MCM7: variants seen among roughly 807,000 people sequenced by gnomAD.
MCM7 encodes DNA replication licensing factor MCM7.
MCM7 carries 95 observed loss-of-function variants against 83.5 expected under a neutral mutation model. The ratio of observed to expected loss-of-function variants is 1.14; its 90% confidence interval spans 0.96 to 1.35. The LOEUF is 1.35. MCM7 is among the 40% of genes most tolerant of loss of function. The pLI, the probability that MCM7 is intolerant of heterozygous loss-of-function variation, is 0.00. For missense variants in MCM7, 1,087 were observed against 957.4 expected (o/e 1.14, Z -1.79); for synonymous variants, 461 against 352.7 (o/e 1.31, Z -3.44).
intron 5 of MCM7, 96 bp downstream of exon 5, chr7:100,098,927 T>TA: frequency 6.5e-7 from 1 of 1,533,470 alleles, no homozygotes; most frequent in Non-Finnish European, 8.9e-7. Flanking sequence ...AGGCAACTTT[T>TA]ACAACCAAAT....
At chr7:100,100,121 A>G in intron 1 of MCM7, 28 bp from the exon 2 acceptor site, 1 of 1,612,164 alleles carries the variant, frequency 6.2e-7, no homozygotes. Context: ...AAACCGTAAG[A>G]CACAAACTTT....
In MCM7 at chr7:100,101,362, C is replaced by G. The variant is rs1308584154; in HGVS notation, c.-68G>C. On this transcript the variant is annotated 5_prime_UTR_variant, in exon 1 of 15. Coordinates refer to ENST00000303887, the MANE Select transcript of MCM7 (RefSeq NM_005916.5). The stretch of plus-strand genomic sequence containing the variant: ...TCTTGCTCCTGGGGAAGCTGAGAAT[C>G]TCCGCGCGGTGGACTGTGGCCGGCC... 4 of 1,604,138 alleles carry G rather than the reference C, an allele frequency of 2.5e-6. No homozygotes were observed. Among genetic ancestry groups the G allele is most frequent in the Admixed American group, 3.3e-5 (2 of 59,712 alleles).
chr7:100,093,503 T>C (rs1584483513), intron 13 of MCM7, 102 bp from the exon 14 acceptor site: 2 of 1,058,850 alleles, frequency 1.9e-6, no homozygotes, highest in South Asian at 1.3e-5. Flanking sequence ...AGCCCATGGG[T>C]CGCCTACTCA....
chr7:100,097,276 C>T (rs770874687), intron 10 of MCM7, 25 bp downstream of exon 10: 21 of 1,606,518 alleles, frequency 1.3e-5, no homozygotes, highest in Non-Finnish European at 1.6e-5. Flanking sequence ...ACTATATTCA[C>T]CTCCCGCAAA....
intron 1 of MCM7, 78 bp downstream of exon 1, chr7:100,101,186 A>G (rs1796002793): frequency 1.9e-6 from 3 of 1,578,850 alleles, no homozygotes; most frequent in Non-Finnish European, 8.7e-7. Context: ...CGGTCCCCCA[A>G]GACCCCAGCT....
intron 3 of MCM7, 65 bp downstream of exon 3, chr7:100,099,524 A>G: frequency 2.5e-6 from 4 of 1,595,736 alleles, no homozygotes; most frequent in Non-Finnish European, 3.4e-6. Flanking sequence ...TCAGTATCTG[A>G]GCAGCCTCTC....
At chr7:100,100,945 C>G in intron 1 of MCM7, 1 of 1,055,682 alleles carries the variant, frequency 9.5e-7, no homozygotes, top group African/African-American at 1.7e-5. Flanking sequence ...AGCCCAGAGC[C>G]CTTAAGACTC....
chr7:100,097,918 G>A lies in MCM7; in HGVS notation c.901C>T (p.His301Tyr), dbSNP rs1209720069. The A allele has an allele frequency of 2.5e-6, 4 of 1,614,138 alleles. No homozygotes were observed. Among genetic ancestry groups the A allele is most frequent in the East Asian group, 2.2e-5 (1 of 44,884 alleles). Residue 301 changes from histidine to tyrosine, a missense_variant, in exon 8 of 15, where the codon CAT (histidine) becomes TAT (tyrosine). Physicochemically the swap from His to Tyr is moderately conservative, Grantham distance 83. Transcript: ENST00000303887. ...GLLSETYLEA[H>Y]RIVKMNKSED... ...CTCTTGTTCATCTTCACAATCCGAT[G>A]GGCTTCCAGGTAGGTTTCTGAGAGT...
intron 11 of MCM7, 128 bp downstream of exon 11, chr7:100,095,646 C>T (rs1795588966): frequency 7.3e-7 from 1 of 1,375,944 alleles, no homozygotes; most frequent in Non-Finnish European, 9.8e-7. Flanking sequence ...AACCATGGAC[C>T]AGCCCCTGCT....
Position 100,092,814 on chromosome 7 carries a change from G to T in MCM7, c.*118C>A. Reference sequence around the variant, plus strand: ...ACAAACACTTTTATTAGCAAAAGGAGTAAGTGCAGCATGGGAGAAAGAGGG... The same window carrying T: ...ACAAACACTTTTATTAGCAAAAGGATTAAGTGCAGCATGGGAGAAAGAGGG... On this transcript the variant is annotated 3_prime_UTR_variant, in exon 15 of 15. Coordinates refer to ENST00000303887, the MANE Select transcript of MCM7 (RefSeq NM_005916.5). The T allele has an allele frequency of 9.8e-7, 1 of 1,025,360 alleles. No individual in the cohort carries two copies. The highest frequency in any genetic ancestry group is 1.5e-6 in the Non-Finnish European group (1 of 680,754). The allele number at this position is 1,025,360 out of a possible 1,614,324, so 63.5% of individuals were successfully genotyped here. A position where few individuals can be genotyped will look rare whatever the true frequency, so the allele number is the denominator to read the frequency against.
At position 100,094,491 on chromosome 7, in the gene MCM7, T is replaced by C. The variant is rs185672319; in HGVS notation, c.1680-150A>G. On this transcript the variant is annotated intron_variant, in intron 12 of 14. Transcript: ENST00000303887. Reference sequence around the variant, plus strand: ...AAAACACAAATTAGTGGGTGATTATTTGCTTGGCTTGAATATCACTGATGG... The same window carrying C: ...AAAACACAAATTAGTGGGTGATTATCTGCTTGGCTTGAATATCACTGATGG... 380 of 821,852 alleles carry C rather than the reference T, an allele frequency of 4.6e-4. No individual in the cohort carries two copies. In the African/African-American group the frequency reaches 5.8e-3, roughly 12 times the overall value. 50.9% of individuals were successfully genotyped at this position (821,852 alleles called of 1,614,324 possible). A position where few individuals can be genotyped will look rare whatever the true frequency, so the allele number is the denominator to read the frequency against.
At chr7:100,100,955 C>T in intron 1 of MCM7, 4 of 1,049,494 alleles carry the variant, frequency 3.8e-6, no homozygotes, top group Non-Finnish European at 5.1e-6. Context: ...CCTTAAGACT[C>T]TCCTGAGGTC....
rs749970023 is a variant in MCM7 at position 100,093,274 on chromosome 7, C to T, written c.1958+18G>A. The T allele has an allele frequency of 1.9e-6, 3 of 1,608,840 alleles. No individual in the cohort carries two copies. The highest frequency in any genetic ancestry group is 2.2e-5 in the East Asian group (1 of 44,850). ...GAAGACAAAGTGACACAGCTTTGTC[C>T]TTCACTAAACCACTCACCTAGCTGT... On this transcript the variant is annotated intron_variant, in intron 14 of 14. Transcript: ENST00000303887.
At chr7:100,099,473 C>T in intron 3 of MCM7, 70 bp from the exon 4 acceptor site, 2 of 1,584,486 alleles carry the variant, frequency 1.3e-6, no homozygotes, top group Non-Finnish European at 1.7e-6. Flanking sequence ...ACAGAGAACA[C>T]CAGGCAGAAG....
rs1562899896 is a variant in MCM7, at chr7:100,100,049, G to C, written c.76C>G (p.Leu26Val). ...CCATACTTGAACTGCTTCTTCCCGA[G>C]TTCATCATCCTGGTAGAACTCTTGT... Reference protein sequence around the residue: ...FLQEFYQDDELGKKQFKYGNQ... With the variant: ...FLQEFYQDDEVGKKQFKYGNQ... The change falls in exon 2 of 15, where the codon CTC becomes GTC. Residue 26 changes from leucine (L) to valine (V), a missense_variant. Transcript: ENST00000303887. 3 of 1,614,076 alleles carry C rather than the reference G, an allele frequency of 1.9e-6. No homozygotes were observed. The highest frequency in any genetic ancestry group is 1.1e-5 in the South Asian group (1 of 91,084).
At chr7:100,095,142 C>G (rs984163911) in intron 12 of MCM7, among the ~76,000 whole-genome samples, 2 of 152,164 alleles carry the variant, frequency 1.3e-5, no homozygotes, top group Non-Finnish European at 2.9e-5. Flanking sequence ...TCACTACACT[C>G]CAGCCTGGGT....
At chr7:100,099,795 A>C (rs1271747632) in intron 2 of MCM7, 42 bp from the exon 3 acceptor site, 40 of 1,608,028 alleles carry the variant, frequency 2.5e-5, no homozygotes, top group Non-Finnish European at 3.4e-5. Flanking sequence ...AGCCACATTC[A>C]CTTTGCTCAC....
chr7:100,099,255 T>C, intron 4 of MCM7, 24 bp downstream of exon 4: 2 of 1,614,062 alleles, frequency 1.2e-6, no homozygotes, highest in Non-Finnish European at 1.7e-6. Flanking sequence ...AATCCCTACA[T>C]CTTTCCCGAC....
At position 100,099,487 on chromosome 7, in the gene MCM7, C is replaced by T. The variant is rs1395997461; in HGVS notation, c.277-84G>A. 4 of 1,582,768 alleles carry T rather than the reference C, an allele frequency of 2.5e-6. No individual in the cohort carries two copies. In the East Asian group the frequency reaches 6.7e-5, roughly 27 times the overall value. On this transcript the variant is annotated intron_variant, in intron 3 of 14. Transcript: ENST00000303887. Reference sequence around the variant, plus strand: ...CACAGAGAACACCAGGCAGAAGTGCCCCTCCTTTCTGCCTGCTCAGAAAAC... The same window carrying T: ...CACAGAGAACACCAGGCAGAAGTGCTCCTCCTTTCTGCCTGCTCAGAAAAC...
Sources: gnomAD v4.1 joint callset for allele counts (sites outside exome capture counted in the v4.1 genomes callset) on GRCh38, gnomAD v4.1.1 for gene constraint, MANE v1.5 for transcripts, NCBI Gene and HGNC (gene_info 2026-07-23, HGNC 2026-07-21) for gene names.